The following EHBP1 variants were observed in gnomAD, a reference collection of about 807,000 sequenced individuals.
EHBP1 encodes the protein EH domain binding protein 1, also known as EH domain-binding protein 1.
Under a neutral mutation model 144.0 loss-of-function variants are expected in EHBP1, and 55 were observed. The ratio of observed to expected loss-of-function variants is 0.38; its 90% CI spans 0.31 to 0.48. The LOEUF is 0.48. Ranked by LOEUF, EHBP1 falls within the 20% of genes least tolerant of loss-of-function variation. EHBP1 has a pLI of 0.98. For missense variants in EHBP1, 1,200 were observed against 1,364.2 expected (o/e 0.88, Z 1.90); for synonymous variants, 469 against 472.7 (o/e 0.99, Z 0.10).
intron 16 of EHBP1, among the ~76,000 whole-genome samples, 182 bp from the exon 17 acceptor site, chr2:62,993,348 C>G (rs1378243683): frequency 6.6e-6 from 1 of 152,092 alleles, no homozygotes; most frequent in Non-Finnish European, 1.5e-5. Flanking sequence ...CCATGTGTCC[C>G]AAAGTTTGTG....
chr2:62,788,868 A>G (rs544705065), intron 5 of EHBP1, among the ~76,000 whole-genome samples: 69 of 152,342 alleles, frequency 4.5e-4, no homozygotes, highest in South Asian at 6.2e-4. Context: ...GCACAAATCT[A>G]TGAAACGCCA....
At chr2:62,957,731 C>T (rs184047679) in intron 14 of EHBP1, among the ~76,000 whole-genome samples, 76 of 133,864 alleles carry the variant, frequency 5.7e-4, no homozygotes, top group Non-Finnish European at 7.1e-4. Flanking sequence ...CTGCAAGCTT[C>T]GCCTCCCGGG....
intron 5 of EHBP1, among the ~76,000 whole-genome samples, chr2:62,813,261 G>A (rs1000413768): frequency 2.0e-5 from 3 of 152,236 alleles, no homozygotes; most frequent in East Asian, 1.9e-4. Flanking sequence ...AGGCTCAACC[G>A]GTAGGCCTTA....
intron 7 of EHBP1, chr2:62,858,425 T>C (rs373114807): frequency 3.9e-5 from 63 of 1,603,146 alleles, no homozygotes; most frequent in Admixed American, 5.1e-5. Context: ...ACCAGTTGAA[T>C]GCTCTGAGCA....
chr2:62,922,485 A>G (rs1390642845), intron 10 of EHBP1, among the ~76,000 whole-genome samples: 1 of 152,226 alleles, frequency 6.6e-6, no homozygotes, highest in Non-Finnish European at 1.5e-5. Context: ...ATACGTTGAA[A>G]GTGAAAAGAC....
chr2:62,859,150 C>A lies in EHBP1; in HGVS notation c.635-19C>A, dbSNP rs111472724. 1 of 1,602,060 alleles carries A rather than the reference C, an allele frequency of 6.2e-7. No homozygotes were observed. Among genetic ancestry groups the A allele is most frequent in the Non-Finnish European group, 8.5e-7 (1 of 1,172,398 alleles). ...ACACTTAACCATAATAGGGAACTAA[C>A]CCATATGTTTATTTTCAGAGCTTAT... On this transcript the variant is annotated intron_variant, in intron 7 of 22. Coordinates refer to ENST00000431489, the MANE Select transcript of EHBP1 (RefSeq NM_001142616.3).
At chr2:62,676,927 A>C (rs1219288910) in intron 1 of EHBP1, among the ~76,000 whole-genome samples, 1 of 152,228 alleles carries the variant, frequency 6.6e-6, no homozygotes, top group Non-Finnish European at 1.5e-5. Flanking sequence ...TAATGCCAGC[A>C]CTTTGGGAGG....
At chr2:62,817,728 T>G (rs1445892115) in intron 5 of EHBP1, among the ~76,000 whole-genome samples, 1 of 152,148 alleles carries the variant, frequency 6.6e-6, no homozygotes, top group African/African-American at 2.4e-5. Context: ...CAAGTAAATA[T>G]ACAGTGTGCT....
intron 2 of EHBP1, among the ~76,000 whole-genome samples, chr2:62,717,371 A>G (rs1271315414): frequency 6.6e-6 from 1 of 152,240 alleles, no homozygotes; most frequent in Non-Finnish European, 1.5e-5. Flanking sequence ...ATTTCAACAA[A>G]AGAGCCACTG....
At chr2:62,864,251 C>T (rs2049873379) in intron 8 of EHBP1, among the ~76,000 whole-genome samples, 1 of 152,138 alleles carries the variant, frequency 6.6e-6, no homozygotes, top group African/African-American at 2.4e-5. Context: ...TTCCAGCCAT[C>T]CTTCCACTGC....
chr2:62,770,879 T>C (rs546321039), intron 4 of EHBP1, among the ~76,000 whole-genome samples: 8 of 152,318 alleles, frequency 5.3e-5, no homozygotes, highest in African/African-American at 1.7e-4. Flanking sequence ...TGGAGGCTAT[T>C]ATCCTTCACA....
Position 62,720,809 on chromosome 2 carries a change from C to G in EHBP1, c.104+13514C>G, listed in dbSNP as rs573995388. Among the ~76,000 whole-genome samples, 4 of 152,256 alleles carry G rather than the reference C, an allele frequency of 2.6e-5. No individual in the cohort carries two copies. In the South Asian group the frequency reaches 8.3e-4, roughly 32 times the overall value. On this transcript the variant is annotated intron_variant, in intron 2 of 22. Coordinates refer to ENST00000431489, the MANE Select transcript of EHBP1 (RefSeq NM_001142616.3). ...TTGGGCCATGTAAAATACACTAACA[C>G]TAATGACAGTTGATGAGCTTTAAAA...
intron 10 of EHBP1, among the ~76,000 whole-genome samples, chr2:62,910,933 A>G (rs1258672235): frequency 6.6e-6 from 1 of 152,204 alleles, no homozygotes; most frequent in Non-Finnish European, 1.5e-5. Context: ...GTTTAAATCA[A>G]AACTCAGAAA....
At chr2:62,863,838 T>TG (rs2049821497) in intron 8 of EHBP1, among the ~76,000 whole-genome samples, 1 of 82,274 alleles carries the variant, frequency 1.2e-5, no homozygotes, top group Non-Finnish European at 2.6e-5. Context: ...TTTTTCTGTG[T>TG]TGTTTTTTTT....
At chr2:62,691,419 T>A (rs2033901098) in intron 1 of EHBP1, among the ~76,000 whole-genome samples, 1 of 152,210 alleles carries the variant, frequency 6.6e-6, no homozygotes, top group African/African-American at 2.4e-5. Flanking sequence ...TGGAGGAGAC[T>A]TTCTAGAAGT....
chr2:62,788,150 T>G (rs2042938014), intron 5 of EHBP1, among the ~76,000 whole-genome samples: 2 of 152,126 alleles, frequency 1.3e-5, no homozygotes, highest in African/African-American at 4.8e-5. Context: ...ATGATGTTTT[T>G]GTAATTATAC....
At chr2:62,743,282 T>G (rs2038884098) in intron 2 of EHBP1, among the ~76,000 whole-genome samples, 2 of 152,182 alleles carry the variant, frequency 1.3e-5, no homozygotes, top group Admixed American at 1.3e-4. Context: ...AATTACAGTT[T>G]TTACAAATTT....
At chr2:62,779,768 C>T (rs1322819093) in intron 5 of EHBP1, among the ~76,000 whole-genome samples, 4 of 152,150 alleles carry the variant, frequency 2.6e-5, no homozygotes, top group Non-Finnish European at 5.9e-5. Flanking sequence ...TTGGATAAAT[C>T]TAATCAAGAT....
At chr2:62,951,646 T>C (rs1183683154) in intron 13 of EHBP1, among the ~76,000 whole-genome samples, 1 of 147,878 alleles carries the variant, frequency 6.8e-6, no homozygotes, top group East Asian at 2.1e-4. Context: ...TGCCTCAGCC[T>C]CCCGAGTAGC....
Sources: allele counts gnomAD v4.1 joint callset (sites outside exome capture counted in the v4.1 genomes callset), GRCh38; gene constraint gnomAD v4.1.1; transcripts MANE v1.5; gene names NCBI Gene and HGNC (gene_info 2026-07-23, HGNC 2026-07-21).